Variants in FHIT observed in about 807,000 individuals in gnomAD.
FHIT encodes the protein fragile histidine triad diadenosine triphosphatase.
Under a neutral mutation model 17.9 loss-of-function variants are expected in FHIT, and 19 were observed. The observed-to-expected ratio is 1.06, with a 90% CI of 0.74 to 1.56. FHIT has a LOEUF of 1.56. Ranked by LOEUF, FHIT falls within the 40% of genes most tolerant of loss-of-function variation. The pLI is 0.00. For missense variants in FHIT, 248 were observed against 189.2 expected (o/e 1.31, Z -1.82); for synonymous variants, 81 against 69.7 (o/e 1.16, Z -0.81).
chr3:60,712,933 G>T (rs2041578607), intron 4 of FHIT, among the ~76,000 whole-genome samples: 1 of 149,152 alleles, frequency 6.7e-6, no homozygotes, highest in African/African-American at 2.5e-5. Context: ...GGACCTAATA[G>T]ACATCTACAG....
intron 8 of FHIT, among the ~76,000 whole-genome samples, chr3:59,786,160 T>C (rs1169312809): frequency 6.6e-6 from 1 of 152,200 alleles, no homozygotes; most frequent in Non-Finnish European, 1.5e-5. Context: ...AAAGGCAGAA[T>C]GAGATGCCTA....
intron 8 of FHIT, among the ~76,000 whole-genome samples, chr3:59,898,090 C>G (rs1704154804): frequency 6.6e-6 from 1 of 152,106 alleles, no homozygotes; most frequent in Non-Finnish European, 1.5e-5. Context: ...TTTTTGAGCA[C>G]CGACATGATG....
chr3:60,204,210 T>C (rs1398342230), intron 5 of FHIT, among the ~76,000 whole-genome samples: 1 of 152,112 alleles, frequency 6.6e-6, no homozygotes. Flanking sequence ...ATATACCTAC[T>C]ATGTACCCGT....
chr3:60,557,909 A>C (rs545003050), intron 4 of FHIT, among the ~76,000 whole-genome samples: 1 of 152,104 alleles, frequency 6.6e-6, no homozygotes, highest in South Asian at 2.1e-4. Context: ...AATGCCAGCT[A>C]TTAGTAACCC....
At chr3:60,861,937 G>A (rs528494518) in intron 3 of FHIT, among the ~76,000 whole-genome samples, 39 of 138,352 alleles carry the variant, frequency 2.8e-4, no homozygotes, top group African/African-American at 9.7e-4. Flanking sequence ...ACCAAGACTC[G>A]GTCTCAAAAA....
chr3:60,908,675 G>C (rs1278679752), intron 3 of FHIT, among the ~76,000 whole-genome samples: 2 of 106,938 alleles, frequency 1.9e-5, no homozygotes, highest in African/African-American at 3.6e-5. Flanking sequence ...GGTTAAAAGA[G>C]AAAAGATCAG....
At chr3:59,771,770 T>A (rs1439804904) in intron 8 of FHIT, among the ~76,000 whole-genome samples, 1 of 152,160 alleles carries the variant, frequency 6.6e-6, no homozygotes, top group Admixed American at 6.5e-5. Context: ...CATAAAAAAA[T>A]TTCACAAATT....
chr3:61,215,812 A>G (rs2039655351), intron 1 of FHIT, among the ~76,000 whole-genome samples: 1 of 152,254 alleles, frequency 6.6e-6, no homozygotes, highest in East Asian at 1.9e-4. Flanking sequence ...GATCAATGGA[A>G]CAGTACAGAG....
intron 4 of FHIT, among the ~76,000 whole-genome samples, chr3:60,637,989 G>C (rs372525131): frequency 2.0e-5 from 3 of 152,260 alleles, no homozygotes; most frequent in East Asian, 3.9e-4. Context: ...TAACTTGAAA[G>C]GGGCTCCCAC....
chr3:60,231,780 C>T (rs1388112356), intron 5 of FHIT, among the ~76,000 whole-genome samples: 1 of 152,132 alleles, frequency 6.6e-6, no homozygotes, highest in Non-Finnish European at 1.5e-5. Context: ...GGCTATAGTT[C>T]CCACTTATTC....
chr3:60,391,509 A>G (rs536299579), intron 5 of FHIT, among the ~76,000 whole-genome samples: 53 of 152,150 alleles, frequency 3.5e-4, no homozygotes, highest in Non-Finnish European at 6.3e-4. Context: ...CATCCTGAGC[A>G]ACTTCCAGTC....
intron 3 of FHIT, among the ~76,000 whole-genome samples, chr3:60,906,373 T>C (rs781829657): frequency 1.3e-5 from 2 of 152,242 alleles, no homozygotes; most frequent in Non-Finnish European, 2.9e-5. Context: ...ATGGTTGAGT[T>C]GTACATGGTA....
At chr3:60,364,949 G>T (rs1700047369) in intron 5 of FHIT, among the ~76,000 whole-genome samples, 1 of 151,862 alleles carries the variant, frequency 6.6e-6, no homozygotes, top group South Asian at 2.1e-4. Context: ...AGGCTTTCTT[G>T]GTTATCCAGC....
chr3:60,865,768 A>G (rs1553753733), intron 3 of FHIT, among the ~76,000 whole-genome samples: 1 of 152,156 alleles, frequency 6.6e-6, no homozygotes, highest in Non-Finnish European at 1.5e-5. Flanking sequence ...ACAAGGCTGA[A>G]GCAAAGAGAG....
chr3:60,581,124 G>T (rs1210926327), intron 4 of FHIT, among the ~76,000 whole-genome samples: 2 of 151,998 alleles, frequency 1.3e-5, no homozygotes, highest in East Asian at 3.9e-4. Context: ...ATTCTCTCTT[G>T]CTCACTCGCA....
At chr3:60,699,599 T>TAAAGTACAACACCATTAGGA in intron 4 of FHIT, among the ~76,000 whole-genome samples, 1 of 145,622 alleles carries the variant, frequency 6.9e-6, no homozygotes. Context: ...AGCATTATCG[T>TAAAGTACAACACCATTAGGA]TAGTGGGTGC....
chr3:60,316,406 A>C (rs1262385179), intron 5 of FHIT, among the ~76,000 whole-genome samples: 2 of 152,184 alleles, frequency 1.3e-5, no homozygotes, highest in Non-Finnish European at 2.9e-5. Context: ...TTTAGTAATA[A>C]ACTTAGGATA....
chr3:60,415,901 TATA>T (rs1445836243), intron 5 of FHIT, among the ~76,000 whole-genome samples: 8 of 70,848 alleles, frequency 1.1e-4, no homozygotes, highest in African/African-American at 3.2e-4. Context: ...TTACATACAA[TATA>T]ATTATATATA....
intron 8 of FHIT, among the ~76,000 whole-genome samples, chr3:59,866,784 C>A (rs1354969882): frequency 6.6e-6 from 1 of 152,070 alleles, no homozygotes; most frequent in Non-Finnish European, 1.5e-5. Flanking sequence ...TAGCTTCTGG[C>A]CAACTGACTT....
Sources: allele counts gnomAD v4.1 joint callset (sites outside exome capture counted in the v4.1 genomes callset), GRCh38; gene constraint gnomAD v4.1.1; transcripts MANE v1.5; gene names NCBI Gene and HGNC (gene_info 2026-07-23, HGNC 2026-07-21).